Variants in ANKRD52 observed in about 807,000 individuals in gnomAD.
ANKRD52 encodes the protein serine/threonine-protein phosphatase 6 regulatory ankyrin repeat subunit C.
Under a neutral mutation model 116.0 loss-of-function variants are expected in ANKRD52, and 7 were observed. The observed-to-expected ratio is 0.06, with a 90% CI of 0.03 to 0.11. The LOEUF (loss-of-function observed/expected upper bound fraction) is 0.11. Among genes scored for constraint, ANKRD52 ranks in the 10% least tolerant of loss-of-function variants. ANKRD52 has a pLI of 1.00. For synonymous variants in ANKRD52, 528 were observed against 578.1 expected (o/e 0.91, Z 1.24); for missense variants, 839 against 1,408.6 (o/e 0.60, Z 6.47).
intron 20 of ANKRD52, among the ~76,000 whole-genome samples, chr12:56,246,919 CAATAATAAT>C (rs374443069): frequency 0.088 from 11,042 of 125,362 alleles, 511 homozygotes; most frequent in African/African-American, 0.12. Flanking sequence ...GACTCTATCT[CAATAATAAT>C]AATAATAATA....
chr12:56,252,114 A>T lies in ANKRD52; in HGVS notation c.1512-19T>A. 6.2e-7 allele frequency: 1 copy of T among 1,613,840 alleles called. No homozygotes were observed. The highest frequency in any genetic ancestry group is 8.5e-7 in the Non-Finnish European group (1 of 1,179,818). On this transcript the variant is annotated intron_variant, in intron 14 of 27. Coordinates refer to ENST00000267116, the MANE Select transcript of ANKRD52 (RefSeq NM_173595.4). The surrounding 1 kb of genome is among the most constrained non-coding windows in gnomAD (Gnocchi z 4.7). Reference sequence around the variant, plus strand: ...TTCCGCTCTGGGGAAGAGAGAGAGAAAGTTAGGGCCAGGCTCAGGGAGGTG... The same window carrying T: ...TTCCGCTCTGGGGAAGAGAGAGAGATAGTTAGGGCCAGGCTCAGGGAGGTG...
At chr12:56,246,149 C>T (rs1017323888) in intron 20 of ANKRD52, among the ~76,000 whole-genome samples, 7 of 152,194 alleles carry the variant, frequency 4.6e-5, no homozygotes, top group Admixed American at 4.6e-4. Context: ...CCTGTCTCAG[C>T]CTCCCAAGTA....
At chr12:56,245,240 C>CT (rs1565607755) in intron 21 of ANKRD52, 50 bp from the exon 22 acceptor site, 4 of 1,608,052 alleles carry the variant, frequency 2.5e-6, no homozygotes, top group Non-Finnish European at 3.4e-6. Flanking sequence ...GCAAGGTTCC[C>CT]TGTCTGTCCT....
chr12:56,254,008 C>T lies in ANKRD52; in HGVS notation c.906+59G>A. The T allele has an allele frequency of 2.0e-6, 3 of 1,527,946 alleles. No individual in the cohort carries two copies. The highest frequency in any genetic ancestry group is 2.7e-6 in the Non-Finnish European group (3 of 1,108,034). 94.6% of individuals were successfully genotyped at this position (1,527,946 alleles called of 1,614,324 possible). Reference sequence around the variant, plus strand: ...CCCAAGAGAGCTATCCAGATACAGTCAGGACCCCTAGATCCAAGTTTCGCT... The same window carrying T: ...CCCAAGAGAGCTATCCAGATACAGTTAGGACCCCTAGATCCAAGTTTCGCT... On this transcript the variant is annotated intron_variant, in intron 8 of 27. Transcript: ENST00000267116. The surrounding 1 kb of genome is among the most constrained non-coding windows in gnomAD (Gnocchi z 4.6).
chr12:56,250,781 A>C (rs1871652172), intron 15 of ANKRD52, among the ~76,000 whole-genome samples: 1 of 151,602 alleles, frequency 6.6e-6, no homozygotes, highest in Non-Finnish European at 1.5e-5. Context: ...AAGATAGTAC[A>C]GGGAGTTCTC....
At position 56,248,369 on chromosome 12, in the gene ANKRD52, A is replaced by G; in HGVS notation, c.1776+126T>C. 1 of 1,404,016 alleles carries G rather than the reference A, an allele frequency of 7.1e-7. No homozygotes were observed. Among genetic ancestry groups the G allele is most frequent in the Non-Finnish European group, 9.9e-7 (1 of 1,013,350 alleles). The allele number at this position is 1,404,016 out of a possible 1,614,324, so 87.0% of individuals were successfully genotyped here. The stretch of plus-strand genomic sequence containing the variant: ...GGCCCCTTAAGGCTTCCTACCCTGC[A>G]CTGTGCTTATCCCCTCTCCCACAAA... On this transcript the variant is annotated intron_variant, in intron 17 of 27. Transcript: ENST00000267116. The surrounding 1 kb of genome is among the most constrained non-coding windows in gnomAD (Gnocchi z 5.1).
chr12:56,249,714 G>A (rs1015562959), intron 15 of ANKRD52, among the ~76,000 whole-genome samples: 1 of 152,190 alleles, frequency 6.6e-6, no homozygotes, highest in Admixed American at 6.5e-5. Context: ...GGCCAGCCTC[G>A]CCAACATGGC....
At position 56,248,162 on chromosome 12, in the gene ANKRD52, T is replaced by C. The variant is rs531983635; in HGVS notation, c.1839A>G (p.Val613=). Residue 613 remains valine, a synonymous_variant, in exon 18 of 28, where the codon GTA becomes GTG. Coordinates refer to ENST00000267116, the MANE Select transcript of ANKRD52 (RefSeq NM_173595.4). This position sits in a 1 kb window ranked among gnomAD's most constrained non-coding sequence, Gnocchi z 5.1. ...GTGCGGTCCGGCCCTTGTGGTCCCTTACGTCCAGATTCACCAGCGTCTCCG... is the reference window on the plus strand; with the variant it reads ...GTGCGGTCCGGCCCTTGTGGTCCCTCACGTCCAGATTCACCAGCGTCTCCG... ...TLAETLVNLD[V]RDHKGRTALF... 2.7e-5 allele frequency: 43 copies of C among 1,613,848 alleles called. No homozygotes were observed. The African/African-American group carries it at 3.9e-4, about 15-fold the overall frequency.
chr12:56,238,036 C>T lies in ANKRD52; in HGVS notation c.*5106G>A. 3.2e-6 allele frequency: 1 copy of T among 307,770 alleles called. No homozygotes were observed. The highest frequency in any genetic ancestry group is 6.0e-6 in the Non-Finnish European group (1 of 167,304). The allele number at this position is 307,770 out of a possible 1,614,324, so 19.1% of individuals were successfully genotyped here. On this transcript the variant is annotated 3_prime_UTR_variant, in exon 28 of 28. Transcript: ENST00000267116. ...TGGGGCAAATGCACCGAGGTCCCCA[C>T]TTTTTCCTGCTGCCCTCGGCACCCT...
chr12:56,257,956 G>A (rs1183623300), intron 1 of ANKRD52, 45 bp from the exon 2 acceptor site: 2 of 1,586,482 alleles, frequency 1.3e-6, no homozygotes, highest in Non-Finnish European at 1.7e-6. Context: ...GAGCCGGAGC[G>A]GAACCGGTGT....
Position 56,254,999 on chromosome 12 carries a change from C to T in ANKRD52, c.463-47G>A. 6.3e-7 allele frequency: 1 copy of T among 1,576,024 alleles called. No homozygotes were observed. Among genetic ancestry groups the T allele is most frequent in the East Asian group, 2.3e-5 (1 of 44,020 alleles). ...ACCTGTTCAGAGCTAGATTCGTGCC[C>T]TCAACCTACCTAAGAGCAGAGGCCT... On this transcript the variant is annotated intron_variant, in intron 5 of 27. Transcript: ENST00000267116. The surrounding 1 kb of genome is among the most constrained non-coding windows in gnomAD (Gnocchi z 4.6).
rs1203410589 is a variant in ANKRD52 at position 56,255,337 on chromosome 12, G to C, written c.463-385C>G. On this transcript the variant is annotated intron_variant, in intron 5 of 27. Coordinates refer to ENST00000267116, the MANE Select transcript of ANKRD52 (RefSeq NM_173595.4). This position sits in a 1 kb window ranked among gnomAD's most constrained non-coding sequence, Gnocchi z 4.3. ...TCCCGAGTAGCTGGGACTACAGGCGGCCGCCACCACACCCGGCTAATTTTT... is the reference window on the plus strand; with the variant it reads ...TCCCGAGTAGCTGGGACTACAGGCGCCCGCCACCACACCCGGCTAATTTTT... Among the ~76,000 whole-genome samples, 21 of 151,918 alleles carry C rather than the reference G, an allele frequency of 1.4e-4. 1 individual carries two copies. Among genetic ancestry groups the C allele is most frequent in the African/African-American group, 5.1e-4 (21 of 41,346 alleles).
In ANKRD52 at chr12:56,256,000, G is replaced by A; in HGVS notation, c.262-16C>T. 2 of 1,548,654 alleles carry A rather than the reference G, an allele frequency of 1.3e-6. No individual in the cohort carries two copies. The highest frequency in any genetic ancestry group is 1.8e-6 in the Non-Finnish European group (2 of 1,142,278). ...CCAGCACCTTCTGTTGAGGGGCAGG[G>A]GACAAAAGAGAGAGTGGGAGCAGGA... On this transcript the variant is annotated splice_polypyrimidine_tract_variant and intron_variant, in intron 4 of 27. Coordinates refer to ENST00000267116, the MANE Select transcript of ANKRD52 (RefSeq NM_173595.4). The surrounding 1 kb of genome is among the most constrained non-coding windows in gnomAD (Gnocchi z 4.3).
chr12:56,252,585 T>C lies in ANKRD52; in HGVS notation c.1302-15A>G, dbSNP rs1350563101. The C allele has an allele frequency of 3.1e-6, 5 of 1,613,018 alleles. No homozygotes were observed. The highest frequency in any genetic ancestry group is 4.2e-6 in the Non-Finnish European group (5 of 1,179,322). On this transcript the variant is annotated splice_polypyrimidine_tract_variant and intron_variant, in intron 12 of 27. Coordinates refer to ENST00000267116, the MANE Select transcript of ANKRD52 (RefSeq NM_173595.4). This position sits in a 1 kb window ranked among gnomAD's most constrained non-coding sequence, Gnocchi z 4.7. ...ATTCAACATTCCTAAAAGAAAGATG[T>C]GTTAAGAGAGTTACAGCCTCAAAGG...
In ANKRD52 at chr12:56,248,361, T is replaced by A. The variant is rs1350402250; in HGVS notation, c.1776+134A>T. 1 of 1,395,382 alleles carries A rather than the reference T, an allele frequency of 7.2e-7. No individual in the cohort carries two copies. The highest frequency in any genetic ancestry group is 1.4e-5 in the African/African-American group (1 of 69,964). 86.4% of individuals were successfully genotyped at this position (1,395,382 alleles called of 1,614,324 possible). On this transcript the variant is annotated intron_variant, in intron 17 of 27. Coordinates refer to ENST00000267116, the MANE Select transcript of ANKRD52 (RefSeq NM_173595.4). This position sits in a 1 kb window ranked among gnomAD's most constrained non-coding sequence, Gnocchi z 5.1. The stretch of plus-strand genomic sequence containing the variant: ...GCTCCTTGGGCCCCTTAAGGCTTCC[T>A]ACCCTGCACTGTGCTTATCCCCTCT...
chr12:56,252,689 A>AG lies in ANKRD52; in HGVS notation c.1301+90dup. The AG allele has an allele frequency of 6.5e-7, 1 of 1,535,848 alleles. No individual in the cohort carries two copies. Among genetic ancestry groups the AG allele is most frequent in the Non-Finnish European group, 9.0e-7 (1 of 1,112,470 alleles). On this transcript the variant is annotated intron_variant, in intron 12 of 27. Coordinates refer to ENST00000267116, the MANE Select transcript of ANKRD52 (RefSeq NM_173595.4). The surrounding 1 kb of genome is among the most constrained non-coding windows in gnomAD (Gnocchi z 4.7). ...CTGCTGTGACTGCTTTCATTGTGAG[A>AG]GGGGGAATAGATCTGGGCAGGCAAG...
chr12:56,244,505 T>G lies in ANKRD52; in HGVS notation c.2723-70A>C. On this transcript the variant is annotated intron_variant, in intron 24 of 27. Transcript: ENST00000267116. This position sits in a 1 kb window ranked among gnomAD's most constrained non-coding sequence, Gnocchi z 4.9. ...CAGTAGCCATCCTGGCTCTCCACTT[T>G]GCATCCCGTCTGCAGATGGCGAGAC... The G allele has an allele frequency of 6.3e-7, 1 of 1,598,926 alleles. No individual in the cohort carries two copies. The highest frequency in any genetic ancestry group is 8.6e-7 in the Non-Finnish European group (1 of 1,168,944).
rs759905233 is a variant in ANKRD52, at chr12:56,254,079, G to A, written c.894C>T (p.Asp298=). The change falls in exon 8 of 28, where the codon GAC becomes GAT. Residue 298 remains aspartate, a synonymous_variant. Coordinates refer to ENST00000267116, the MANE Select transcript of ANKRD52 (RefSeq NM_173595.4). The surrounding 1 kb of genome is among the most constrained non-coding windows in gnomAD (Gnocchi z 4.6). Reference sequence around the variant, plus strand: ...TCCCTTCAGGCACCTGGTAGTTGACGTCAGCCCCATTATTAACCAGTAGCT... The same window carrying A: ...TCCCTTCAGGCACCTGGTAGTTGACATCAGCCCCATTATTAACCAGTAGCT... ...CLELLVNNGA[D]VNYQSKEGKS... is the part of the protein sequence containing the mutation. The A allele has an allele frequency of 8.7e-6, 14 of 1,613,556 alleles. No homozygotes were observed. Among genetic ancestry groups the A allele is most frequent in the Middle Eastern group, 1.7e-4 (1 of 6,058 alleles).
rs1368608050 is a variant in ANKRD52 at position 56,241,105 on chromosome 12, CATTG to C, written c.*2033_*2036del. The stretch of plus-strand genomic sequence containing the variant: ...GGGCTGCAGCCCTTAAGAGAGGTCA[CATTG>C]ATTGTCATATAGGGGAGGACACGGT... On this transcript the variant is annotated 3_prime_UTR_variant, in exon 28 of 28. Transcript: ENST00000267116. 1 of 152,134 alleles carries C rather than the reference CATTG, an allele frequency of 6.6e-6. No individual in the cohort carries two copies. Among genetic ancestry groups the C allele is most frequent in the Non-Finnish European group, 1.5e-5 (1 of 68,030 alleles). The allele number at this position is 152,134 out of a possible 1,614,324, so 9.4% of individuals were successfully genotyped here.
Sources: allele counts gnomAD v4.1 joint callset (sites outside exome capture counted in the v4.1 genomes callset), GRCh38; gene constraint gnomAD v4.1.1; non-coding constraint Gnocchi (gnomAD v3.1); transcripts MANE v1.5; gene names NCBI Gene and HGNC (gene_info 2026-07-23, HGNC 2026-07-21).